TMEM108: variants seen among roughly 807,000 people sequenced by gnomAD.
TMEM108 encodes the protein cancer/testis antigen 124.
TMEM108 carries 12 observed loss-of-function variants against 35.1 expected under a neutral mutation model. The ratio of observed to expected loss-of-function variants is 0.34; its 90% confidence interval spans 0.22 to 0.55. The LOEUF (loss-of-function observed/expected upper bound fraction) is 0.55, where lower values mean the gene tolerates loss of function less well. Ranked by LOEUF, TMEM108 falls within the 20% of genes least tolerant of loss-of-function variation. The probability of loss-of-function intolerance (pLI) is 0.89; values close to 1 mark genes in which losing one functional copy is unlikely to be tolerated. For synonymous variants in TMEM108, 287 were observed against 308.6 expected (o/e 0.93, Z 0.73); for missense variants, 680 against 753.3 (o/e 0.90, Z 1.14).
At chr3:133,237,643 G>A (rs1946257566) in intron 3 of TMEM108, among the ~76,000 whole-genome samples, 1 of 152,112 alleles carries the variant, frequency 6.6e-6, no homozygotes, top group African/African-American at 2.4e-5. Flanking sequence ...TATAAAGCCA[G>A]ATTTTTTTCC....
chr3:133,128,812 A>G (rs942146838), intron 2 of TMEM108, among the ~76,000 whole-genome samples: 2 of 152,184 alleles, frequency 1.3e-5, no homozygotes, highest in Non-Finnish European at 2.9e-5. Context: ...TGCTCTGTCT[A>G]CTTCAGGAAA....
chr3:133,138,719 AGTG>A (rs1944599587), intron 2 of TMEM108, among the ~76,000 whole-genome samples: 1 of 151,958 alleles, frequency 6.6e-6, no homozygotes, highest in South Asian at 2.1e-4. Context: ...TTTGCAGTTA[AGTG>A]GATTTTGGCA....
At chr3:133,199,845 G>C (rs1252713075) in intron 2 of TMEM108, among the ~76,000 whole-genome samples, 1 of 152,062 alleles carries the variant, frequency 6.6e-6, no homozygotes, top group Non-Finnish European at 1.5e-5. Context: ...CTTTTTTTCA[G>C]CTATGCCTTG....
intron 2 of TMEM108, among the ~76,000 whole-genome samples, chr3:133,176,655 C>CACATTCAAAGCAGTGTGTAGAGG (rs756874285): frequency 0.012 from 1,861 of 152,058 alleles, 10 homozygotes; most frequent in Non-Finnish European, 0.02. Flanking sequence ...ATCTCTGGGA[C>CACATTCAAAGCAGTGTGTAGAGG]ACATTCAAAG....
chr3:133,115,438 ATTAT>A (rs1355382924), intron 2 of TMEM108, among the ~76,000 whole-genome samples: 3 of 152,246 alleles, frequency 2.0e-5, no homozygotes, highest in African/African-American at 7.2e-5. Flanking sequence ...AAATGCCATC[ATTAT>A]TTACCCCATT....
chr3:133,083,615 A>C (rs1943843040), intron 2 of TMEM108, among the ~76,000 whole-genome samples: 1 of 152,176 alleles, frequency 6.6e-6, no homozygotes, highest in Admixed American at 6.5e-5. Context: ...TGTCACATTC[A>C]TTGGGCAATT....
intron 3 of TMEM108, among the ~76,000 whole-genome samples, chr3:133,296,365 G>T (rs1431059504): frequency 6.6e-6 from 1 of 152,106 alleles, no homozygotes; most frequent in Admixed American, 6.5e-5. Flanking sequence ...CTTAAAACAG[G>T]AATTACACAC....
intron 1 of TMEM108, among the ~76,000 whole-genome samples, chr3:133,038,938 T>C (rs956046008): frequency 1.3e-5 from 2 of 151,708 alleles, no homozygotes; most frequent in Non-Finnish European, 2.9e-5. Context: ...CGAAGAGCCC[T>C]CCTGCCTAGG....
chr3:133,064,275 C>T (rs1451538209), intron 2 of TMEM108, among the ~76,000 whole-genome samples: 1 of 152,162 alleles, frequency 6.6e-6, no homozygotes, highest in East Asian at 1.9e-4. Flanking sequence ...AAATTAAATA[C>T]ATGAAGTGAC....
intron 3 of TMEM108, among the ~76,000 whole-genome samples, chr3:133,235,588 T>G (rs1430294113): frequency 6.6e-6 from 1 of 152,138 alleles, no homozygotes; most frequent in African/African-American, 2.4e-5. Flanking sequence ...ATGTGATCAC[T>G]CACTACCTGA....
intron 3 of TMEM108, among the ~76,000 whole-genome samples, chr3:133,288,778 C>T (rs750300553): frequency 5.9e-5 from 9 of 152,182 alleles, no homozygotes; most frequent in Non-Finnish European, 8.8e-5. Context: ...CTTGCTCTGT[C>T]ATCCAGGCTG....
chr3:133,314,004 T>C (rs546227549), intron 3 of TMEM108, among the ~76,000 whole-genome samples: 6 of 152,270 alleles, frequency 3.9e-5, no homozygotes, highest in African/African-American at 1.4e-4. Flanking sequence ...TATAATCTAG[T>C]ACAAAAATAA....
At position 133,381,130 on chromosome 3, in the gene TMEM108, C is replaced by T; in HGVS notation, c.1419C>T (p.Ile473=). ...CLSKMDIAWV[I]LAISVPISSC... ...GCAAGATGGATATCGCCTGGGTGAT[C>T]CTGGCCATCAGCGTGCCCATCTCCT... Residue 473 remains isoleucine (I), a synonymous_variant, in exon 4 of 6, where the codon ATC becomes ATT. Coordinates refer to ENST00000321871, the MANE Select transcript of TMEM108 (RefSeq NM_023943.4). 1.9e-6 allele frequency: 3 copies of T among 1,608,366 alleles called. No homozygotes were observed. The highest frequency in any genetic ancestry group is 2.6e-6 in the Non-Finnish European group (3 of 1,175,666).
chr3:133,079,331 C>T (rs773748255), intron 2 of TMEM108, among the ~76,000 whole-genome samples: 2 of 152,116 alleles, frequency 1.3e-5, no homozygotes, highest in African/African-American at 2.4e-5. Context: ...AGATGTTCGT[C>T]ATTATCTTTA....
chr3:133,173,749 A>G (rs146000728), intron 2 of TMEM108, among the ~76,000 whole-genome samples: 1,993 of 152,348 alleles, frequency 0.013, 20 homozygotes, highest in South Asian at 0.019. Flanking sequence ...GCTCTAGTCT[A>G]CAGCTCCCAG....
intron 3 of TMEM108, among the ~76,000 whole-genome samples, chr3:133,272,160 A>G (rs1446482604): frequency 6.6e-6 from 1 of 151,874 alleles, no homozygotes; most frequent in Non-Finnish European, 1.5e-5. Flanking sequence ...CTCCCATAAG[A>G]CTTTTTCTCT....
intron 2 of TMEM108, among the ~76,000 whole-genome samples, chr3:133,201,471 C>A (rs985802254): frequency 2.6e-5 from 4 of 151,172 alleles, no homozygotes; most frequent in Non-Finnish European, 4.4e-5. Flanking sequence ...TCCTGACAGG[C>A]CCCCGTGTGT....
chr3:133,257,200 A>G (rs984587490), intron 3 of TMEM108: 5 of 152,194 alleles, frequency 3.3e-5, no homozygotes, highest in African/African-American at 1.2e-4. Flanking sequence ...TTTACAACTC[A>G]GGATGTCACA....
At chr3:133,347,189 T>A (rs2071846531) in intron 3 of TMEM108, among the ~76,000 whole-genome samples, 1 of 152,164 alleles carries the variant, frequency 6.6e-6, no homozygotes, top group Non-Finnish European at 1.5e-5. Flanking sequence ...TTGGGATTTT[T>A]ATTGAGATTT....
Sources: gnomAD v4.1 joint callset for allele counts (sites outside exome capture counted in the v4.1 genomes callset) on GRCh38, gnomAD v4.1.1 for gene constraint, MANE v1.5 for transcripts, NCBI Gene and HGNC (gene_info 2026-07-23, HGNC 2026-07-21) for gene names.